The following IQCM variants were observed in gnomAD, a reference collection of about 807,000 sequenced individuals.
The protein encoded by IQCM is IQ domain-containing protein M.
IQCM carries 45 observed loss-of-function variants against 57.6 expected under a neutral mutation model. The observed-to-expected ratio is 0.78, with a 90% confidence interval of 0.62 to 1.00. The LOEUF (loss-of-function observed/expected upper bound fraction) is 1.00. Among genes scored for constraint, IQCM ranks in the 50% least tolerant of loss-of-function variants. IQCM has a pLI of 0.00. For synonymous variants in IQCM, 148 were observed against 158.9 expected, an observed-to-expected ratio of 0.93 and a Z score of 0.51; for missense variants, 468 against 511.6, an observed-to-expected ratio of 0.91 and a Z score of 0.82.
chr4:149,583,802 G>A lies in IQCM; in HGVS notation c.749+4128C>T, dbSNP rs139882913. ...GCTTCTGGTTCACAGTTTTTGCTTA[G>A]ATATTGAGGATGAACTCTCAATGCA... is the stretch of plus-strand genomic sequence containing the variant. On this transcript the variant is annotated intron_variant, in intron 9 of 13. Transcript: ENST00000636793. Among the ~76,000 whole-genome samples, 287 of 151,578 alleles carry A rather than the reference G, an allele frequency of 1.9e-3. 1 individual carries two copies. The highest frequency in any genetic ancestry group is 6.8e-3 in the African/African-American group (281 of 41,470).
At chr4:149,740,320 C>G (rs1412299990) in intron 3 of IQCM, among the ~76,000 whole-genome samples, 1 of 152,114 alleles carries the variant, frequency 6.6e-6, no homozygotes, top group Non-Finnish European at 1.5e-5. Flanking sequence ...TTTTAAGTAC[C>G]TACTAAGTGC....
chr4:149,377,179 T>C (rs915266777), intron 13 of IQCM, among the ~76,000 whole-genome samples: 1 of 152,184 alleles, frequency 6.6e-6, no homozygotes, highest in Non-Finnish European at 1.5e-5. Context: ...TTTGAAACAT[T>C]GGCCGATTTG....
At chr4:149,362,515 G>A (rs1729563817) in intron 13 of IQCM, among the ~76,000 whole-genome samples, 1 of 152,088 alleles carries the variant, frequency 6.6e-6, no homozygotes, top group Non-Finnish European at 1.5e-5. Flanking sequence ...TAGTAAATAA[G>A]TCACATGAGA....
At chr4:149,700,982 T>G (rs1404648740) in intron 5 of IQCM, among the ~76,000 whole-genome samples, 1 of 152,030 alleles carries the variant, frequency 6.6e-6, no homozygotes, top group Non-Finnish European at 1.5e-5. Context: ...GAATTCATCT[T>G]TCTTTCCCAT....
intron 7 of IQCM, among the ~76,000 whole-genome samples, chr4:149,675,720 T>A (rs2150189283): frequency 6.6e-6 from 1 of 151,828 alleles, no homozygotes; most frequent in Admixed American, 6.6e-5. Context: ...GTCTTAAGAG[T>A]CTGAAGGCTG....
intron 2 of IQCM, among the ~76,000 whole-genome samples, chr4:149,751,777 T>C (rs1456811418): frequency 2.6e-5 from 4 of 152,100 alleles, no homozygotes; most frequent in Admixed American, 6.6e-5. Context: ...AGAGATGATA[T>C]GTAAAACCAA....
chr4:149,697,136 C>T (rs75022661), intron 5 of IQCM, among the ~76,000 whole-genome samples: 397 of 152,086 alleles, frequency 2.6e-3, no homozygotes, highest in African/African-American at 9.2e-3. Context: ...TTTGCCATTA[C>T]CTACAGGGCC....
At chr4:149,695,803 G>T (rs2149803886) in intron 5 of IQCM, among the ~76,000 whole-genome samples, 1 of 152,158 alleles carries the variant, frequency 6.6e-6, no homozygotes, top group East Asian at 1.9e-4. Flanking sequence ...AAGATTTTGG[G>T]TGGCTATTAA....
intron 5 of IQCM, among the ~76,000 whole-genome samples, chr4:149,727,683 C>G (rs1056014545): frequency 3.3e-5 from 5 of 152,166 alleles, no homozygotes; most frequent in South Asian, 2.1e-4. Context: ...TCTCATCCCC[C>G]CTTCCTGGTT....
chr4:149,595,916 T>C (rs2654803), intron 8 of IQCM, among the ~76,000 whole-genome samples: 35,319 of 152,070 alleles, frequency 0.23, 4,672 homozygotes, highest in Non-Finnish European at 0.29. Context: ...GAAGGTATCC[T>C]AAAGATAATG....
intron 5 of IQCM, among the ~76,000 whole-genome samples, chr4:149,709,863 A>G (rs1764431726): frequency 6.6e-6 from 1 of 152,126 alleles, no homozygotes; most frequent in Non-Finnish European, 1.5e-5. Context: ...TTTCTCCTGG[A>G]AGGAATGTTT....
At chr4:149,721,400 T>C (rs1167759798) in intron 5 of IQCM, among the ~76,000 whole-genome samples, 1 of 152,080 alleles carries the variant, frequency 6.6e-6, no homozygotes, top group Non-Finnish European at 1.5e-5. Flanking sequence ...CCAAATAGTG[T>C]ACATGGTAAT....
chr4:149,497,380 C>G (rs779305373), intron 12 of IQCM, among the ~76,000 whole-genome samples: 19 of 152,216 alleles, frequency 1.2e-4, no homozygotes, highest in Admixed American at 2.0e-4. Context: ...CATTTTCACA[C>G]TGCTGATAAA....
chr4:149,390,973 CAAAAGATAACTACAAAGCAGA>C (rs1337582635), intron 13 of IQCM, among the ~76,000 whole-genome samples: 1 of 151,490 alleles, frequency 6.6e-6, no homozygotes, highest in Non-Finnish European at 1.5e-5. Flanking sequence ...CTCTTGACTT[CAAAAGATAACTACAAAGCAGA>C]AGTAATCAAA....
At chr4:149,531,818 CT>C (rs1393691197) in intron 12 of IQCM, among the ~76,000 whole-genome samples, 1 of 151,926 alleles carries the variant, frequency 6.6e-6, no homozygotes, top group Non-Finnish European at 1.5e-5. Flanking sequence ...GAATAATGAT[CT>C]TTTTAATATT....
At position 149,351,816 on chromosome 4, in the gene IQCM, T is replaced by C; in HGVS notation, c.*135A>G. 2.6e-6 allele frequency: 1 copy of C among 379,854 alleles called. No homozygotes were observed. The highest frequency in any genetic ancestry group is 4.6e-6 in the Non-Finnish European group (1 of 217,214). The allele number at this position is 379,854 out of a possible 1,614,324, so 23.5% of individuals were successfully genotyped here. ...AAAATACTAGAAATTATAGATAAACTTGTCAAAGTTCTTTCTATATTCAAA... is the reference window on the plus strand; with the variant it reads ...AAAATACTAGAAATTATAGATAAACCTGTCAAAGTTCTTTCTATATTCAAA... On this transcript the variant is annotated 3_prime_UTR_variant, in exon 14 of 14. Transcript: ENST00000636793.
intron 9 of IQCM, among the ~76,000 whole-genome samples, chr4:149,586,367 C>T (rs1289611344): frequency 4.0e-5 from 6 of 151,488 alleles, no homozygotes; most frequent in African/African-American, 1.5e-4. Context: ...AACTAGACTA[C>T]TTCCTCTTAA....
chr4:149,742,490 G>T (rs1767549381), intron 3 of IQCM, among the ~76,000 whole-genome samples, 165 bp downstream of exon 3: 1 of 152,090 alleles, frequency 6.6e-6, no homozygotes, highest in African/African-American at 2.4e-5. Context: ...AAGTTAAAAA[G>T]ATCTCTCAAA....
chr4:149,576,384 C>CT, intron 9 of IQCM, among the ~76,000 whole-genome samples: 1 of 151,610 alleles, frequency 6.6e-6, no homozygotes, highest in East Asian at 1.9e-4. Context: ...GCTTGATTTG[C>CT]TTTTTTGTTA....
Sources: allele counts gnomAD v4.1 joint callset (sites outside exome capture counted in the v4.1 genomes callset), GRCh38; gene constraint gnomAD v4.1.1; transcripts MANE v1.5; gene names NCBI Gene and HGNC (gene_info 2026-07-23, HGNC 2026-07-21).